Variants in STX8 observed in about 807,000 individuals in gnomAD.
STX8 encodes the protein syntaxin-8.
STX8 carries 23 observed loss-of-function variants against 37.5 expected under a neutral mutation model. That is an observed-to-expected ratio of 0.61 (90% CI 0.44 to 0.87). The LOEUF is 0.87. Ranked by LOEUF, STX8 falls within the 40% of genes least tolerant of loss-of-function variation. STX8 has a pLI of 0.00. For synonymous variants in STX8, 115 were observed against 99.1 expected, an observed-to-expected ratio of 1.16 and a Z score of -0.95; for missense variants, 313 against 284.7, an observed-to-expected ratio of 1.10 and a Z score of -0.71.
At chr17:9,401,213 A>G (rs912433969) in intron 6 of STX8, among the ~76,000 whole-genome samples, 2 of 152,240 alleles carry the variant, frequency 1.3e-5, no homozygotes, top group African/African-American at 4.8e-5. Context: ...AGAGATTGAG[A>G]AAGTCTAGAA....
intron 4 of STX8, among the ~76,000 whole-genome samples, chr17:9,544,639 A>C (rs187946508): frequency 9.8e-5 from 15 of 152,332 alleles, no homozygotes; most frequent in Admixed American, 9.1e-4. Context: ...AGTCTCCCTT[A>C]GTATGTTCCA....
chr17:9,390,138 A>G (rs1222780105), intron 6 of STX8, among the ~76,000 whole-genome samples: 1 of 152,164 alleles, frequency 6.6e-6, no homozygotes. Context: ...CCTTATACAC[A>G]GCCAGATGGG....
intron 6 of STX8, among the ~76,000 whole-genome samples, chr17:9,444,629 G>T (rs1482378400): frequency 6.6e-6 from 1 of 152,154 alleles, no homozygotes; most frequent in Non-Finnish European, 1.5e-5. Context: ...TCCAGAGATG[G>T]TGCATCCATG....
At chr17:9,431,906 T>TC (rs1913998963) in intron 6 of STX8, among the ~76,000 whole-genome samples, 1 of 152,178 alleles carries the variant, frequency 6.6e-6, no homozygotes, top group African/African-American at 2.4e-5. Context: ...TTTTGGTTCA[T>TC]AAAACATTTT....
At chr17:9,355,182 G>C (rs1016998918) in intron 7 of STX8, among the ~76,000 whole-genome samples, 1 of 152,050 alleles carries the variant, frequency 6.6e-6, no homozygotes, top group Non-Finnish European at 1.5e-5. Flanking sequence ...GGTTACTCCT[G>C]TCTGTCAGTT....
At chr17:9,383,407 T>G (rs568382936) in intron 6 of STX8, among the ~76,000 whole-genome samples, 8 of 152,198 alleles carry the variant, frequency 5.3e-5, no homozygotes, top group Non-Finnish European at 1.2e-4. Context: ...ACAAAGGGTA[T>G]GACGAAATTC....
At chr17:9,413,888 A>T (rs1367496421) in intron 6 of STX8, among the ~76,000 whole-genome samples, 2 of 119,262 alleles carry the variant, frequency 1.7e-5, no homozygotes, top group African/African-American at 3.1e-5. Flanking sequence ...CGATCCATCC[A>T]TCGATCCATC....
intron 7 of STX8, among the ~76,000 whole-genome samples, chr17:9,331,497 C>T (rs1343485166): frequency 1.3e-5 from 2 of 152,054 alleles, no homozygotes; most frequent in East Asian, 1.9e-4. Context: ...GGGTGGGTTG[C>T]GAGGTGGCTG....
chr17:9,336,420 T>TCCTTCCTTCC (rs1910142711), intron 7 of STX8, among the ~76,000 whole-genome samples: 1 of 151,442 alleles, frequency 6.6e-6, no homozygotes, highest in African/African-American at 2.4e-5. Context: ...TCCTTCCCCT[T>TCCTTCCTTCC]CCTTCCTTCC....
intron 6 of STX8, among the ~76,000 whole-genome samples, chr17:9,457,991 A>C (rs1227341008): frequency 6.6e-6 from 1 of 152,222 alleles, no homozygotes; most frequent in Non-Finnish European, 1.5e-5. Flanking sequence ...AATACCAAGA[A>C]GGGCAGAAAG....
intron 7 of STX8, among the ~76,000 whole-genome samples, chr17:9,367,157 GTTTTTGTTT>G (rs1193370981): frequency 1.1e-4 from 17 of 148,780 alleles, no homozygotes; most frequent in Non-Finnish European, 2.5e-4. Flanking sequence ...GACAATGTGG[GTTTTTGTTT>G]TTTTTGTTTT....
chr17:9,306,760 G>A (rs374052978), intron 7 of STX8, among the ~76,000 whole-genome samples: 38 of 151,850 alleles, frequency 2.5e-4, no homozygotes, highest in African/African-American at 8.7e-4. Flanking sequence ...GCGAGACTCT[G>A]TCTCAAACAA....
chr17:9,505,097 T>C lies in STX8; in HGVS notation c.389A>G (p.Glu130Gly). ...ATCAAAACCCAAGCCTCTGGTCTCC[T>C]CTGGCTCCTCAAAGAGCCAAGGGTT... ...APNPWLFEEP[E>G]ETRGLGFDEI... Residue 130 changes from glutamate (E) to glycine (G), a missense_variant, in exon 5 of 8, where the codon GAG becomes GGG. By Grantham distance (98) the Glu-to-Gly change is moderately conservative. Coordinates refer to ENST00000306357, the MANE Select transcript of STX8 (RefSeq NM_004853.3). 1 of 1,613,200 alleles carries C rather than the reference T, an allele frequency of 6.2e-7. No individual in the cohort carries two copies. Among genetic ancestry groups the C allele is most frequent in the Non-Finnish European group, 8.5e-7 (1 of 1,179,506 alleles).
At chr17:9,293,262 T>C (rs1908381687) in intron 7 of STX8, among the ~76,000 whole-genome samples, 1 of 152,106 alleles carries the variant, frequency 6.6e-6, no homozygotes, top group African/African-American at 2.4e-5. Context: ...ATACTTCTAG[T>C]TTCTAGGCAG....
intron 7 of STX8, among the ~76,000 whole-genome samples, chr17:9,374,084 T>C (rs1286475238): frequency 6.9e-6 from 1 of 145,698 alleles, no homozygotes; most frequent in East Asian, 1.9e-4. Flanking sequence ...TTACCACAAT[T>C]AATTTTTTTT....
intron 6 of STX8, among the ~76,000 whole-genome samples, chr17:9,431,594 C>G (rs1401306281): frequency 6.6e-6 from 1 of 152,164 alleles, no homozygotes; most frequent in Non-Finnish European, 1.5e-5. Flanking sequence ...CGCGGCTGGC[C>G]AAGGGCAGCA....
At chr17:9,304,525 A>AAAAAG (rs1567776311) in intron 7 of STX8, among the ~76,000 whole-genome samples, 31 of 147,020 alleles carry the variant, frequency 2.1e-4, no homozygotes, top group Non-Finnish European at 2.8e-4. Flanking sequence ...AAAAAAAAAA[A>AAAAAG]AAAAGAAAAA....
intron 2 of STX8, among the ~76,000 whole-genome samples, chr17:9,560,308 G>A (rs779447003): frequency 4.1e-5 from 6 of 144,776 alleles, no homozygotes; most frequent in Non-Finnish European, 4.5e-5. Context: ...TGAGGCAGGA[G>A]AATGGCTTGA....
At chr17:9,533,226 C>T (rs1033335600) in intron 4 of STX8, among the ~76,000 whole-genome samples, 7 of 152,260 alleles carry the variant, frequency 4.6e-5, no homozygotes, top group East Asian at 3.9e-4. Context: ...CCACGGCTTT[C>T]GGTGGCCGAG....
Sources: gnomAD v4.1 joint callset for allele counts (sites outside exome capture counted in the v4.1 genomes callset) on GRCh38, gnomAD v4.1.1 for gene constraint, MANE v1.5 for transcripts, NCBI Gene and HGNC (gene_info 2026-07-23, HGNC 2026-07-21) for gene names.